The following SGCE variants were observed in gnomAD, a reference collection of about 807,000 sequenced individuals.
SGCE encodes epsilon-sarcoglycan.
In SGCE, 26 loss-of-function variants were observed where a neutral mutation model predicts 57.8. The observed-to-expected ratio is 0.45, with a 90% CI of 0.33 to 0.62. The LOEUF (loss-of-function observed/expected upper bound fraction) is 0.62, where lower values mean the gene tolerates loss of function less well. Among genes scored for constraint, SGCE ranks in the 20% least tolerant of loss-of-function variants. The pLI is 0.02. For missense variants in SGCE, 468 were observed against 548.6 expected (o/e 0.85, Z 1.47); for synonymous variants, 183 against 189.5 (o/e 0.97, Z 0.28).
chr7:94,638,976 A>T (rs1272654905), intron 1 of SGCE, among the ~76,000 whole-genome samples: 1 of 152,222 alleles, frequency 6.6e-6, no homozygotes, highest in Non-Finnish European at 1.5e-5. Flanking sequence ...AAAATGATAC[A>T]TGTTAAATGT....
chr7:94,652,102 G>C (rs1807975512), intron 1 of SGCE, among the ~76,000 whole-genome samples: 1 of 152,004 alleles, frequency 6.6e-6, no homozygotes, highest in African/African-American at 2.4e-5. Flanking sequence ...TGTCTCTGCT[G>C]GGGAGGTTGA....
At chr7:94,604,860 A>G (rs1384245385) in intron 5 of SGCE, among the ~76,000 whole-genome samples, 4 of 63,482 alleles carry the variant, frequency 6.3e-5, no homozygotes, top group Non-Finnish European at 1.3e-4. Context: ...TATATATATA[A>G]TAGTTGTTAT....
chr7:94,627,763 G>C (rs574803306), intron 3 of SGCE: 9 of 165,172 alleles, frequency 5.4e-5, no homozygotes, highest in African/African-American at 2.2e-4. Flanking sequence ...AAGAAGACTG[G>C]GCAAGATTCA....
intron 5 of SGCE, among the ~76,000 whole-genome samples, chr7:94,615,365 A>AATAGATAGATAG (rs3045711): frequency 7.0e-6 from 1 of 142,202 alleles, no homozygotes; most frequent in Non-Finnish European, 1.5e-5. Context: ...TCTCAAAATA[A>AATAGATAGATAG]ATAGATAGAT....
At chr7:94,610,777 A>C (rs1179339299) in intron 5 of SGCE, among the ~76,000 whole-genome samples, 1 of 152,226 alleles carries the variant, frequency 6.6e-6, no homozygotes, top group Non-Finnish European at 1.5e-5. Flanking sequence ...TTGTATATAG[A>C]ACATATAAAA....
intron 9 of SGCE, chr7:94,597,552 TGA>T (rs72089395): frequency 0.084 from 12,688 of 151,828 alleles, 570 homozygotes; most frequent in East Asian, 0.13. Flanking sequence ...TCTGTGTGTA[TGA>T]GAGAGAGAGA....
intron 6 of SGCE, among the ~76,000 whole-genome samples, chr7:94,602,586 GAAAA>G (rs943586002): frequency 7.1e-6 from 1 of 140,772 alleles, no homozygotes. Context: ...AATATGAAAA[GAAAA>G]AAAAAACAAA....
At chr7:94,613,127 C>T (rs974799971) in intron 5 of SGCE, among the ~76,000 whole-genome samples, 1 of 152,134 alleles carries the variant, frequency 6.6e-6, no homozygotes, top group Non-Finnish European at 1.5e-5. Context: ...TAAAAACAAA[C>T]GGAACACAGA....
At chr7:94,599,020 G>T in intron 8 of SGCE, 57 bp from the exon 9 acceptor site, 1 of 1,279,906 alleles carries the variant, frequency 7.8e-7, no homozygotes. Flanking sequence ...AGCCTGATGG[G>T]TCATCAATTT....
Position 94,629,856 on chromosome 7 carries a change from G to A in SGCE, c.110-15C>T, listed in dbSNP as rs761320172. 2.5e-6 allele frequency: 4 copies of A among 1,609,936 alleles called. No homozygotes were observed. Among genetic ancestry groups the A allele is most frequent in the Non-Finnish European group, 3.4e-6 (4 of 1,176,988 alleles). On this transcript the variant is annotated splice_polypyrimidine_tract_variant and intron_variant, in intron 1 of 10. Coordinates refer to ENST00000648936, the MANE Select transcript of SGCE (RefSeq NM_003919.3). ...AATACTGTACACTGAAAACAAAGAGGAAAGATAAGTGACAGAAAGACAAAT... is the reference window on the plus strand; with the variant it reads ...AATACTGTACACTGAAAACAAAGAGAAAAGATAAGTGACAGAAAGACAAAT...
intron 9 of SGCE, chr7:94,590,035 A>T (rs1213838932): frequency 6.6e-6 from 1 of 152,080 alleles, no homozygotes; most frequent in Admixed American, 6.6e-5. Flanking sequence ...CCTTGTATCT[A>T]TCTGCAGATT....
chr7:94,597,411 A>T, intron 9 of SGCE: 1 of 152,280 alleles, frequency 6.6e-6, no homozygotes, highest in South Asian at 2.1e-4. Flanking sequence ...ATTAATTATT[A>T]TTTAATCTTC....
chr7:94,638,362 A>T (rs1467654754), intron 1 of SGCE, among the ~76,000 whole-genome samples: 3 of 152,214 alleles, frequency 2.0e-5, no homozygotes, highest in African/African-American at 7.2e-5. Flanking sequence ...TGTCCAGCTG[A>T]AGAATAATTC....
At chr7:94,628,480 A>C in intron 2 of SGCE, 121 bp from the exon 3 acceptor site, 2 of 743,774 alleles carry the variant, frequency 2.7e-6, no homozygotes, top group South Asian at 3.4e-5. Flanking sequence ...AACTAAATAC[A>C]CACATACAAA....
intron 5 of SGCE, among the ~76,000 whole-genome samples, chr7:94,612,818 T>G (rs1229612276): frequency 2.0e-5 from 3 of 152,192 alleles, no homozygotes; most frequent in African/African-American, 7.2e-5. Context: ...TCTCTCTTGG[T>G]GATTGACATC....
At position 94,655,864 on chromosome 7, in the gene SGCE, G is replaced by A. The variant is rs1248838230; in HGVS notation, c.109+126C>T. The stretch of plus-strand genomic sequence containing the variant: ...GGTGTACTGAAGGAGGGGTACGGTG[G>A]GGTCCGGGACAGAAAGAGAGGCTGG... On this transcript the variant is annotated intron_variant, in intron 1 of 10. Coordinates refer to ENST00000648936, the MANE Select transcript of SGCE (RefSeq NM_003919.3). The A allele has an allele frequency of 8.8e-6, 6 of 678,388 alleles. No homozygotes were observed. In the Admixed American group the frequency reaches 1.0e-4, roughly 12 times the overall value. The allele number at this position is 678,388 out of a possible 1,614,324, so 42.0% of individuals were successfully genotyped here. A position where few individuals can be genotyped will look rare whatever the true frequency, so the allele number is the denominator to read the frequency against.
At chr7:94,628,631 T>A (rs1055337093) in intron 2 of SGCE, 1 of 402,628 alleles carries the variant, frequency 2.5e-6, no homozygotes. Context: ...CTAACAGTGA[T>A]ATAGTTCTGC....
chr7:94,623,448 T>C, intron 3 of SGCE, 51 bp from the exon 4 acceptor site: 1 of 1,126,562 alleles, frequency 8.9e-7, no homozygotes, highest in Non-Finnish European at 1.3e-6. Flanking sequence ...CTTTGTAAAA[T>C]GAAATTCATT....
Position 94,604,806 on chromosome 7 carries a change from A to AATATATATAT in SGCE, c.663-1364_663-1355dup, listed in dbSNP as rs59162734. Among the ~76,000 whole-genome samples the AATATATATAT allele has an allele frequency of 2.0e-3, 89 of 44,362 alleles. 1 individual carries two copies. Among genetic ancestry groups the AATATATATAT allele is most frequent in the African/African-American group, 2.4e-3 (19 of 7,914 alleles). 29.1% of individuals were successfully genotyped at this position (44,362 alleles called of 152,430 possible). On this transcript the variant is annotated intron_variant, in intron 5 of 10. Transcript: ENST00000648936. ...TATTTTTTATAACTAATGGTGCTGG[A>AATATATATAT]ATATATATATATATATATATATATA...
Sources: allele counts gnomAD v4.1 joint callset (sites outside exome capture counted in the v4.1 genomes callset), GRCh38; gene constraint gnomAD v4.1.1; transcripts MANE v1.5; gene names NCBI Gene and HGNC (gene_info 2026-07-23, HGNC 2026-07-21).